Variants in XKR4 observed in about 807,000 individuals in gnomAD.
The protein encoded by XKR4 is XK related 4, also known as XK-related protein 4.
Under a neutral mutation model 53.9 loss-of-function variants are expected in XKR4, and 12 were observed. That is an observed-to-expected ratio of 0.22 (90% CI 0.14 to 0.36). The LOEUF (loss-of-function observed/expected upper bound fraction) is 0.36. Among genes scored for constraint, XKR4 ranks in the 10% least tolerant of loss-of-function variants. The probability of loss-of-function intolerance (pLI) is 1.00; values close to 1 mark genes in which losing one functional copy is unlikely to be tolerated. For missense variants in XKR4, 799 were observed against 859.5 expected (o/e 0.93, Z 0.88); for synonymous variants, 354 against 362.4 (o/e 0.98, Z 0.26).
chr8:55,248,152 G>A (rs1395138025), intron 1 of XKR4, among the ~76,000 whole-genome samples: 1 of 152,042 alleles, frequency 6.6e-6, no homozygotes, highest in East Asian at 1.9e-4. Context: ...ACCATGCCCA[G>A]CCTATTTTTT....
At chr8:55,500,387 T>C (rs1398501575) in intron 2 of XKR4, among the ~76,000 whole-genome samples, 1 of 152,178 alleles carries the variant, frequency 6.6e-6, no homozygotes, top group Non-Finnish European at 1.5e-5. Context: ...GAGATTGTCA[T>C]CAAAGATAGG....
chr8:55,227,071 T>C (rs532537756), intron 1 of XKR4, among the ~76,000 whole-genome samples: 1 of 152,174 alleles, frequency 6.6e-6, no homozygotes, highest in South Asian at 2.1e-4. Flanking sequence ...CCCACCCCCT[T>C]GTGTGTGGTG....
chr8:55,131,267 T>TA (rs540900743), intron 1 of XKR4, among the ~76,000 whole-genome samples: 508 of 152,328 alleles, frequency 3.3e-3, no homozygotes, highest in Non-Finnish European at 4.5e-3. Context: ...AGGTGATTCA[T>TA]ATGCACTTTA....
chr8:55,495,887 C>T (rs931022186), intron 2 of XKR4, among the ~76,000 whole-genome samples: 3 of 152,250 alleles, frequency 2.0e-5, no homozygotes, highest in African/African-American at 7.2e-5. Flanking sequence ...CCATCACATT[C>T]ACAGTGAAAG....
chr8:55,130,210 A>G lies in XKR4; in HGVS notation c.806+26916A>G, dbSNP rs960479153. On this transcript the variant is annotated intron_variant, in intron 1 of 2. Coordinates refer to ENST00000327381, the MANE Select transcript of XKR4 (RefSeq NM_052898.2). Reference sequence around the variant, plus strand: ...CAGATATACTCAAAAAAGCTAATAAATAGGTAATATGTCAGGTGTTATCTG... The same window carrying G: ...CAGATATACTCAAAAAAGCTAATAAGTAGGTAATATGTCAGGTGTTATCTG... 4.0e-5 allele frequency among the ~76,000 whole-genome samples: 6 copies of G among 151,320 alleles called. 1 individual carries two copies. The highest frequency in any genetic ancestry group is 7.4e-5 in the Non-Finnish European group (5 of 67,892).
chr8:55,366,877 T>A (rs1803996552), intron 2 of XKR4, among the ~76,000 whole-genome samples: 1 of 152,130 alleles, frequency 6.6e-6, no homozygotes, highest in South Asian at 2.1e-4. Flanking sequence ...CAAACAAACA[T>A]GCTGTAATCA....
At chr8:55,121,049 ATT>A (rs1282008969) in intron 1 of XKR4, among the ~76,000 whole-genome samples, 15 of 152,224 alleles carry the variant, frequency 9.9e-5, no homozygotes, top group Admixed American at 5.2e-4. Flanking sequence ...TTGATAGCTC[ATT>A]TGTTTTTAAT....
At chr8:55,393,014 A>T (rs1189087958) in intron 2 of XKR4, among the ~76,000 whole-genome samples, 1 of 152,170 alleles carries the variant, frequency 6.6e-6, no homozygotes, top group African/African-American at 2.4e-5. Context: ...TTAAAAAAAA[A>T]TTCAGCCAAT....
chr8:55,320,908 C>T (rs1803200153), intron 1 of XKR4, among the ~76,000 whole-genome samples: 1 of 152,030 alleles, frequency 6.6e-6, no homozygotes, highest in African/African-American at 2.4e-5. Context: ...CCACAAACTC[C>T]TTGAATGAAA....
intron 1 of XKR4, among the ~76,000 whole-genome samples, chr8:55,283,967 T>C (rs1818873179): frequency 6.6e-6 from 1 of 152,126 alleles, no homozygotes; most frequent in Non-Finnish European, 1.5e-5. Context: ...CCTCCTTCCT[T>C]CCAGCTCTGC....
chr8:55,523,361 G>T lies in XKR4; in HGVS notation c.1087G>T (p.Asp363Tyr), dbSNP rs1260813599. ...YQKALRDSRD[D>Y]KKPISYMAVI... ...GAAGGCCCTCCGGGACTCTCGAGAT[G>T]ACAAGAAGCCCATCAGCTACATGGC... The change falls in exon 3 of 3, where the codon GAC (aspartate) becomes TAC (tyrosine). Residue 363 changes from aspartate (D) to tyrosine (Y), a missense_variant. Transcript: ENST00000327381. 1.2e-6 allele frequency: 2 copies of T among 1,614,208 alleles called. No homozygotes were observed. Among genetic ancestry groups the T allele is most frequent in the Non-Finnish European group, 1.7e-6 (2 of 1,180,032 alleles).
chr8:55,469,447 C>T (rs1805838706), intron 2 of XKR4, among the ~76,000 whole-genome samples: 1 of 151,960 alleles, frequency 6.6e-6, no homozygotes, highest in African/African-American at 2.4e-5. Context: ...CATTTCCTGC[C>T]TTTTAGGGTT....
At chr8:55,377,639 GA>G (rs1394364046) in intron 2 of XKR4, among the ~76,000 whole-genome samples, 3 of 152,058 alleles carry the variant, frequency 2.0e-5, no homozygotes, top group Admixed American at 2.0e-4. Context: ...AAGGAGGAAG[GA>G]AAAAACCTGA....
At chr8:55,302,281 G>T (rs1248216274) in intron 1 of XKR4, among the ~76,000 whole-genome samples, 1 of 152,180 alleles carries the variant, frequency 6.6e-6, no homozygotes, top group Admixed American at 6.5e-5. Flanking sequence ...GTTTTTGTCA[G>T]GTTTGTCAAA....
chr8:55,471,575 AT>A (rs1476859788), intron 2 of XKR4, among the ~76,000 whole-genome samples: 3 of 152,156 alleles, frequency 2.0e-5, no homozygotes, highest in African/African-American at 7.2e-5. Context: ...TGGTACAGAA[AT>A]ATAGACAATT....
intron 1 of XKR4, among the ~76,000 whole-genome samples, chr8:55,349,122 A>T (rs1017126559): frequency 6.6e-6 from 1 of 152,222 alleles, no homozygotes; most frequent in Non-Finnish European, 1.5e-5. Context: ...TTACTAGGTA[A>T]TTTATGTACA....
intron 1 of XKR4, among the ~76,000 whole-genome samples, chr8:55,342,787 C>G (rs904199517): frequency 6.6e-6 from 1 of 152,226 alleles, no homozygotes; most frequent in Non-Finnish European, 1.5e-5. Context: ...AAACTCCTTA[C>G]TTTCCTTCCT....
At chr8:55,477,203 G>T (rs1264916064) in intron 2 of XKR4, among the ~76,000 whole-genome samples, 1 of 152,078 alleles carries the variant, frequency 6.6e-6, no homozygotes, top group African/African-American at 2.4e-5. Flanking sequence ...ACTTCCAGAG[G>T]AACGAGGCAG....
intron 1 of XKR4, among the ~76,000 whole-genome samples, chr8:55,122,714 G>A (rs117035381): frequency 0.01 from 1,547 of 152,286 alleles, 5 homozygotes; most frequent in South Asian, 0.02. Context: ...CTGGACAAAC[G>A]TGAGATGCAA....
Sources: gnomAD v4.1 joint callset for allele counts (sites outside exome capture counted in the v4.1 genomes callset) on GRCh38, gnomAD v4.1.1 for gene constraint, MANE v1.5 for transcripts, NCBI Gene and HGNC (gene_info 2026-07-23, HGNC 2026-07-21) for gene names.